Variants in SAMD5 observed in about 807,000 individuals in gnomAD.
The protein encoded by SAMD5 is sterile alpha motif domain containing 5.
Under a neutral mutation model 11.3 loss-of-function variants are expected in SAMD5, and 13 were observed. The ratio of observed to expected loss-of-function variants is 1.15; its 90% confidence interval spans 0.75 to 1.83. The LOEUF (loss-of-function observed/expected upper bound fraction) is 1.83. Among genes scored for constraint, SAMD5 ranks in the 40% most tolerant of loss-of-function variants. SAMD5 has a pLI of 0.00. For synonymous variants in SAMD5, 129 were observed against 111.3 expected (o/e 1.16, Z -1.00); for missense variants, 255 against 239.1 (o/e 1.07, Z -0.44).
chr6:147,656,367 C>G (rs1790568449), intron 1 of SAMD5, among the ~76,000 whole-genome samples: 1 of 151,922 alleles, frequency 6.6e-6, no homozygotes, highest in Admixed American at 6.6e-5. Flanking sequence ...AAGTCAAAAG[C>G]AAAAAATTGA....
intron 1 of SAMD5, among the ~76,000 whole-genome samples, chr6:147,597,160 T>G (rs1238294880): frequency 2.0e-5 from 3 of 152,164 alleles, no homozygotes; most frequent in Non-Finnish European, 4.4e-5. Context: ...ATCACCATTT[T>G]CTCAACTGTA....
intron 1 of SAMD5, among the ~76,000 whole-genome samples, chr6:147,648,549 C>A (rs776254616): frequency 6.6e-6 from 1 of 152,212 alleles, no homozygotes; most frequent in Non-Finnish European, 1.5e-5. Flanking sequence ...GGGTCCACCC[C>A]CACTGTCATC....
chr6:147,650,516 T>C (rs1333499996), intron 1 of SAMD5, among the ~76,000 whole-genome samples: 1 of 152,204 alleles, frequency 6.6e-6, no homozygotes, highest in Non-Finnish European at 1.5e-5. Context: ...TGGTATGCAA[T>C]GCTGTAGAGA....
At chr6:147,704,498 A>G (rs1159171437) in intron 1 of SAMD5, among the ~76,000 whole-genome samples, 1 of 152,184 alleles carries the variant, frequency 6.6e-6, no homozygotes, top group East Asian at 1.9e-4. Flanking sequence ...CGGAAGAGAA[A>G]TTTAAATTCT....
At chr6:147,652,086 T>C (rs186151797) in intron 1 of SAMD5, among the ~76,000 whole-genome samples, 18 of 152,340 alleles carry the variant, frequency 1.2e-4, no homozygotes, top group Non-Finnish European at 1.9e-4. Flanking sequence ...GGTCAAAATG[T>C]AGGGACAGAA....
the SAMD5 span, among the ~76,000 whole-genome samples, chr6:147,789,208 T>C: frequency 6.6e-6 from 1 of 151,878 alleles, no homozygotes; most frequent in South Asian, 2.1e-4. Context: ...TCAAACTTAC[T>C]GTGAGCAAGG....
intron 1 of SAMD5, among the ~76,000 whole-genome samples, chr6:147,549,204 C>T (rs1346852086): frequency 2.0e-5 from 3 of 152,212 alleles, no homozygotes; most frequent in East Asian, 1.9e-4. Context: ...CTGATACTTG[C>T]GTGCACCAGT....
At chr6:147,643,023 C>T (rs1202575249) in intron 1 of SAMD5, among the ~76,000 whole-genome samples, 2 of 152,194 alleles carry the variant, frequency 1.3e-5, no homozygotes, top group Admixed American at 1.3e-4. Flanking sequence ...GCAAACTCAT[C>T]ACACTGTAAT....
the SAMD5 span, among the ~76,000 whole-genome samples, chr6:147,845,618 G>A: frequency 6.6e-6 from 1 of 152,022 alleles, no homozygotes; most frequent in South Asian, 2.1e-4. Context: ...TGGCAAATAA[G>A]TACCTGAAAA....
intron 1 of SAMD5, among the ~76,000 whole-genome samples, chr6:147,597,726 A>G (rs1399731812): frequency 6.6e-6 from 1 of 152,200 alleles, no homozygotes; most frequent in African/African-American, 2.4e-5. Flanking sequence ...TTCATGTTGC[A>G]ACCAGTTTTT....
At chr6:147,791,339 G>A in the SAMD5 span, among the ~76,000 whole-genome samples, 13,677 of 151,908 alleles carry the variant, frequency 0.09, 1,001 homozygotes, top group African/African-American at 0.2. Flanking sequence ...TAAAGATCTC[G>A]GCTCTTTAGG....
chr6:147,697,010 C>T (rs1001129347), intron 1 of SAMD5, among the ~76,000 whole-genome samples: 1 of 152,128 alleles, frequency 6.6e-6, no homozygotes, highest in Non-Finnish European at 1.5e-5. Context: ...TGGGCAGATC[C>T]CTTATCTGGT....
In SAMD5 at chr6:147,659,804, C is replaced by T. The variant is rs117852756; in HGVS notation, c.163-77513C>T. Among the ~76,000 whole-genome samples the T allele has an allele frequency of 2.4e-3, 358 of 152,170 alleles. 4 individuals carry two copies. The highest frequency in any genetic ancestry group is 0.013 in the East Asian group (68 of 5,176). On this transcript the variant is annotated intron_variant, in intron 1 of 1. Transcript: ENST00000566741. ...TTTCCATTCCACCCCTCCCCATCAC[C>T]GGTGATAGATTTTCATAACTTGTAG...
chr6:147,902,160 T>G, the SAMD5 span, among the ~76,000 whole-genome samples: 1 of 152,166 alleles, frequency 6.6e-6, no homozygotes, highest in Admixed American at 6.5e-5. Context: ...CAATCATTCC[T>G]GGTCCAAATG....
At chr6:147,900,278 T>G in the SAMD5 span, among the ~76,000 whole-genome samples, 1 of 152,158 alleles carries the variant, frequency 6.6e-6, no homozygotes, top group Non-Finnish European at 1.5e-5. Flanking sequence ...ATGGCTCACA[T>G]GAAGCAGAGA....
At chr6:147,604,563 C>A (rs1169403643) in intron 1 of SAMD5, among the ~76,000 whole-genome samples, 1 of 152,278 alleles carries the variant, frequency 6.6e-6, no homozygotes, top group African/African-American at 2.4e-5. Context: ...GGTGGGGATC[C>A]AATTTCAATT....
the SAMD5 span, among the ~76,000 whole-genome samples, chr6:147,881,398 G>T: frequency 6.6e-6 from 1 of 152,176 alleles, no homozygotes; most frequent in African/African-American, 2.4e-5. Context: ...CGCGGCAGAG[G>T]TGGATAAGTG....
chr6:147,912,108 G>A, the SAMD5 span, among the ~76,000 whole-genome samples: 2,743 of 152,158 alleles, frequency 0.018, 76 homozygotes, highest in African/African-American at 0.063. Flanking sequence ...CAAGACAAAG[G>A]GTGGGGGAAA....
the SAMD5 span, among the ~76,000 whole-genome samples, chr6:147,822,251 T>C: frequency 6.6e-6 from 1 of 152,230 alleles, no homozygotes; most frequent in Non-Finnish European, 1.5e-5. Flanking sequence ...TTTCCACTTG[T>C]CAATTTGAAT....
Sources: allele counts gnomAD v4.1 joint callset (sites outside exome capture counted in the v4.1 genomes callset), GRCh38; gene constraint gnomAD v4.1.1; transcripts MANE v1.5; gene names NCBI Gene and HGNC (gene_info 2026-07-23, HGNC 2026-07-21).